AOPEP: variants seen among roughly 807,000 people sequenced by gnomAD.
AOPEP encodes aminopeptidase O (putative), also known as aminopeptidase O.
In AOPEP, 77 loss-of-function variants were observed where a neutral mutation model predicts 98.1. The observed-to-expected ratio is 0.78, with a 90% confidence interval of 0.65 to 0.95. The LOEUF is 0.95. Among genes scored for constraint, AOPEP ranks in the 40% least tolerant of loss-of-function variants. The probability of loss-of-function intolerance (pLI) is 0.00; values close to 1 mark genes in which losing one functional copy is unlikely to be tolerated. For missense variants in AOPEP, 1,024 were observed against 1,024.7 expected (o/e 1.00, Z 0.01); for synonymous variants, 346 against 365.3 (o/e 0.95, Z 0.60).
At chr9:95,096,056 A>C in the AOPEP span, among the ~76,000 whole-genome samples, 1 of 152,168 alleles carries the variant, frequency 6.6e-6, no homozygotes, top group Non-Finnish European at 1.5e-5. Flanking sequence ...GCCTCTCCGA[A>C]GCAGGGGAAC....
chr9:95,070,940 C>T (rs550613320), intron 14 of AOPEP, among the ~76,000 whole-genome samples: 6 of 152,302 alleles, frequency 3.9e-5, no homozygotes, highest in African/African-American at 1.2e-4. Context: ...TCTGCTGGCT[C>T]CAGCATAGCT....
At chr9:95,112,957 A>G in the AOPEP span, among the ~76,000 whole-genome samples, 1 of 152,296 alleles carries the variant, frequency 6.6e-6, no homozygotes, top group East Asian at 1.9e-4. Context: ...GGGTGGGTAG[A>G]GAGAAGAGAA....
chr9:94,805,498 TTTTTA>T (rs1564168157), intron 5 of AOPEP, among the ~76,000 whole-genome samples: 4 of 151,868 alleles, frequency 2.6e-5, no homozygotes, highest in African/African-American at 9.7e-5. Flanking sequence ...TTTGTTTTTT[TTTTTA>T]AAAAAAGCAA....
intron 13 of AOPEP, among the ~76,000 whole-genome samples, chr9:95,027,604 T>C (rs947172261): frequency 1.5e-4 from 23 of 152,332 alleles, no homozygotes; most frequent in Admixed American, 5.2e-4. Flanking sequence ...TGTAGAGCCA[T>C]GTTTTGGGGT....
chr9:94,845,338 G>A (rs1227314326), intron 5 of AOPEP, among the ~76,000 whole-genome samples: 4 of 152,144 alleles, frequency 2.6e-5, no homozygotes, highest in African/African-American at 7.2e-5. Flanking sequence ...GAATGAACGA[G>A]GGAAAAAATG....
intron 5 of AOPEP, among the ~76,000 whole-genome samples, chr9:94,863,817 G>A (rs959020344): frequency 6.6e-6 from 1 of 152,188 alleles, no homozygotes; most frequent in African/African-American, 2.4e-5. Context: ...GCAGGAAGGA[G>A]GAAAGGAGGA....
chr9:95,049,681 CTT>C (rs886452466), intron 13 of AOPEP, among the ~76,000 whole-genome samples: 5 of 152,170 alleles, frequency 3.3e-5, no homozygotes, highest in African/African-American at 1.2e-4. Context: ...AATTCTAAAA[CTT>C]AACCATTTTT....
rs188138529 is a variant in AOPEP, at chr9:94,985,593, T to C, written c.1977+6166T>C. On this transcript the variant is annotated intron_variant, in intron 11 of 16. Coordinates refer to ENST00000375315, the MANE Select transcript of AOPEP (RefSeq NM_001193329.3). The stretch of plus-strand genomic sequence containing the variant: ...GAAGAATTCTACATTTAATGGTCAG[T>C]CAAGAAAACTGAAACTGATTATTTT... Among the ~76,000 whole-genome samples, 612 of 152,340 alleles carry C rather than the reference T, an allele frequency of 4.0e-3. 3 individuals are homozygous for C. The highest frequency in any genetic ancestry group is 6.6e-3 in the Non-Finnish European group (452 of 68,024).
At chr9:95,091,480 C>T (rs1451239508), downstream of AOPEP, among the ~76,000 whole-genome samples, 2 of 152,200 alleles carry the variant, frequency 1.3e-5, no homozygotes, top group Admixed American at 1.3e-4. Context: ...TCACTCTGTG[C>T]AGGGCCCAGC....
At chr9:95,117,328 C>G in the AOPEP span, 1 of 1,614,048 alleles carries the variant, frequency 6.2e-7, no homozygotes, top group East Asian at 2.2e-5. Flanking sequence ...GAGGGTCTTG[C>G]AGCAGCACCA....
chr9:94,743,190 AGAAGAAGAAGAG>A (rs1352493305), intron 1 of AOPEP, among the ~76,000 whole-genome samples: 56 of 119,526 alleles, frequency 4.7e-4, no homozygotes, highest in African/African-American at 1.2e-3. Context: ...AAGAAGAAGA[AGAAGAAGAAGAG>A]GAAGAAGAGG....
intron 13 of AOPEP, among the ~76,000 whole-genome samples, chr9:95,038,592 TA>T (rs1448933439): frequency 1.3e-5 from 2 of 152,226 alleles, no homozygotes; most frequent in Non-Finnish European, 2.9e-5. Flanking sequence ...TGCACAGTGA[TA>T]ATGTCTCTAC....
At chr9:94,976,627 A>G (rs2059859264) in intron 10 of AOPEP, among the ~76,000 whole-genome samples, 1 of 148,114 alleles carries the variant, frequency 6.8e-6, no homozygotes, top group Non-Finnish European at 1.5e-5. Context: ...AAAGGTGGAG[A>G]CTTGTTTTCA....
chr9:94,727,931 T>C (rs1247115385), intron 1 of AOPEP, among the ~76,000 whole-genome samples: 1 of 152,224 alleles, frequency 6.6e-6, no homozygotes, highest in Non-Finnish European at 1.5e-5. Flanking sequence ...CCCCAATTTA[T>C]AGAGAAGGAA....
At chr9:94,837,162 T>C (rs2041707307) in intron 5 of AOPEP, among the ~76,000 whole-genome samples, 1 of 152,020 alleles carries the variant, frequency 6.6e-6, no homozygotes, top group Non-Finnish European at 1.5e-5. Flanking sequence ...ACAGAGGAGA[T>C]GGATAAATTC....
the AOPEP span, among the ~76,000 whole-genome samples, chr9:95,148,448 C>T: frequency 6.6e-6 from 1 of 152,204 alleles, no homozygotes; most frequent in Non-Finnish European, 1.5e-5. Context: ...AGCAAAGTGA[C>T]TCAGTCCCCT....
At chr9:94,866,371 C>T (rs776272927) in intron 5 of AOPEP, among the ~76,000 whole-genome samples, 7 of 152,196 alleles carry the variant, frequency 4.6e-5, no homozygotes, top group African/African-American at 1.7e-4. Context: ...CAGCCCTAAT[C>T]CTATTAACTC....
chr9:95,010,836 T>C (rs1564519261), intron 13 of AOPEP, among the ~76,000 whole-genome samples: 1 of 152,182 alleles, frequency 6.6e-6, no homozygotes, highest in Non-Finnish European at 1.5e-5. Context: ...CAGAATAATT[T>C]ATTAAAAGTA....
intron 5 of AOPEP, among the ~76,000 whole-genome samples, chr9:94,902,480 A>G (rs763453400): frequency 9.2e-5 from 14 of 152,184 alleles, no homozygotes; most frequent in Non-Finnish European, 1.8e-4. Context: ...TCCAAAAGAA[A>G]TGGTCAGGAA....
Sources: gnomAD v4.1 joint callset for allele counts (sites outside exome capture counted in the v4.1 genomes callset) on GRCh38, gnomAD v4.1.1 for gene constraint, MANE v1.5 for transcripts, NCBI Gene and HGNC (gene_info 2026-07-23, HGNC 2026-07-21) for gene names.